ABCB1: variants seen among roughly 807,000 people sequenced by gnomAD.
The protein encoded by ABCB1 is ATP-dependent translocase ABCB1.
A neutral mutation model predicts 142.0 loss-of-function variants in ABCB1; 69 were observed. The ratio of observed to expected loss-of-function variants is 0.49; its 90% CI spans 0.40 to 0.59. The LOEUF is 0.59. Ranked by LOEUF, ABCB1 falls within the 20% of genes least tolerant of loss-of-function variation. ABCB1 has a pLI of 0.00. For synonymous variants in ABCB1, 532 were observed against 539.2 expected, an observed-to-expected ratio of 0.99 and a Z score of 0.18; for missense variants, 1,326 against 1,554.7, an observed-to-expected ratio of 0.85 and a Z score of 2.47.
intron 1 of ABCB1, among the ~76,000 whole-genome samples, chr7:87,672,459 G>A (rs977972454): frequency 3.3e-5 from 5 of 152,140 alleles, no homozygotes. Flanking sequence ...CAAGCCAGTG[G>A]GTCTTATCTT....
intron 1 of ABCB1, among the ~76,000 whole-genome samples, chr7:87,636,419 C>G (rs1821780865): frequency 6.6e-6 from 1 of 152,220 alleles, no homozygotes; most frequent in African/African-American, 2.4e-5. Context: ...GGAATCTCTG[C>G]TTTTTGTTTA....
chr7:87,659,276 C>A (rs1401706824), intron 1 of ABCB1: 3 of 402,098 alleles, frequency 7.5e-6, no homozygotes, highest in Non-Finnish European at 1.5e-5. Flanking sequence ...TGTTTGTTCC[C>A]CCTGTTCTTG....
At chr7:87,512,285 CTTAA>C (rs898521278) in intron 25 of ABCB1, among the ~76,000 whole-genome samples, 7 of 151,960 alleles carry the variant, frequency 4.6e-5, no homozygotes, top group Non-Finnish European at 7.4e-5. Context: ...AATTTCATAG[CTTAA>C]TTATTCAAGA....
intron 21 of ABCB1, chr7:87,521,997 A>G: frequency 1.2e-6 from 1 of 863,064 alleles, no homozygotes; most frequent in Admixed American, 1.7e-5. Context: ...GAAGTTAGGA[A>G]AGCCCTGTCA....
At chr7:87,615,786 A>G (rs1468727506) in intron 1 of ABCB1, among the ~76,000 whole-genome samples, 1 of 152,244 alleles carries the variant, frequency 6.6e-6, no homozygotes, top group Non-Finnish European at 1.5e-5. Flanking sequence ...AAGAAGGGTA[A>G]GAAGCCATAT....
chr7:87,675,377 C>A (rs535201594), intron 1 of ABCB1, among the ~76,000 whole-genome samples: 1 of 152,124 alleles, frequency 6.6e-6, no homozygotes, highest in East Asian at 1.9e-4. Flanking sequence ...TATCAAACCT[C>A]CAGTCTTGAG....
intron 4 of ABCB1, among the ~76,000 whole-genome samples, chr7:87,574,850 C>T (rs2129864002): frequency 6.6e-6 from 1 of 152,298 alleles, no homozygotes; most frequent in South Asian, 2.1e-4. Context: ...ATCTCTTCCT[C>T]CCACTCCCAC....
intron 1 of ABCB1, chr7:87,710,776 T>C (rs928769537): frequency 1.7e-5 from 9 of 538,438 alleles, no homozygotes; most frequent in Non-Finnish European, 2.6e-5. Flanking sequence ...CCTCCTTTTG[T>C]TACTACTCAG....
chr7:87,543,272 C>T (rs28381927), intron 17 of ABCB1, among the ~76,000 whole-genome samples: 6 of 151,892 alleles, frequency 4.0e-5, no homozygotes, highest in South Asian at 4.1e-4. Flanking sequence ...CTAGCCTGGG[C>T]GAGAGTGAGC....
At chr7:87,641,338 C>CTA (rs1822433229) in intron 1 of ABCB1, among the ~76,000 whole-genome samples, 2 of 152,276 alleles carry the variant, frequency 1.3e-5, no homozygotes, top group Non-Finnish European at 1.5e-5. Flanking sequence ...CTTTGCTTTA[C>CTA]TAGTGTTCAT....
intron 1 of ABCB1, among the ~76,000 whole-genome samples, chr7:87,700,177 A>G (rs1828896204): frequency 6.6e-6 from 1 of 152,060 alleles, no homozygotes; most frequent in South Asian, 2.1e-4. Context: ...ATTTAGTTTG[A>G]TTTTATTGTT....
upstream of ABCB1, among the ~76,000 whole-genome samples, chr7:87,605,248 C>T (rs1185465277): frequency 2.0e-5 from 3 of 152,154 alleles, no homozygotes; most frequent in Non-Finnish European, 2.9e-5. Flanking sequence ...ATTCTCATGC[C>T]TCAGCCTCCT....
intron 9 of ABCB1, among the ~76,000 whole-genome samples, chr7:87,551,230 C>A (rs1185183355): frequency 6.6e-6 from 1 of 151,948 alleles, no homozygotes; most frequent in African/African-American, 2.4e-5. Flanking sequence ...GCTACGTGTC[C>A]CAGCCTGGTC....
At chr7:87,549,311 T>G (rs200677200) in intron 14 of ABCB1, 37 bp downstream of exon 14, 2 of 1,613,884 alleles carry the variant, frequency 1.2e-6, no homozygotes, top group Non-Finnish European at 1.7e-6. Flanking sequence ...GTTCTTATGC[T>G]TATAAATCAG....
At chr7:87,616,481 T>G (rs771281641) in intron 1 of ABCB1, among the ~76,000 whole-genome samples, 9 of 152,210 alleles carry the variant, frequency 5.9e-5, no homozygotes, top group Non-Finnish European at 1.2e-4. Flanking sequence ...ATCATGGAGC[T>G]CTTGCCAAGC....
At chr7:87,519,121 G>A (rs976840534) in intron 23 of ABCB1, among the ~76,000 whole-genome samples, 1 of 152,224 alleles carries the variant, frequency 6.6e-6, no homozygotes, top group Admixed American at 6.5e-5. Context: ...GTGTGAGCCA[G>A]CAATGAGGAA....
intron 21 of ABCB1, among the ~76,000 whole-genome samples, chr7:87,524,485 CA>C (rs1169466553): frequency 6.6e-6 from 1 of 151,308 alleles, no homozygotes. Context: ...ATCGCAAGGA[CA>C]AAAAACCAAA....
At chr7:87,539,236 A>G in intron 19 of ABCB1, 32 bp downstream of exon 19, 2 of 1,606,024 alleles carry the variant, frequency 1.2e-6, no homozygotes, top group Non-Finnish European at 1.7e-6. Context: ...GGAGTTCTAC[A>G]CATCCCAGGG....
intron 9 of ABCB1, among the ~76,000 whole-genome samples, chr7:87,551,502 A>C (rs1243457765): frequency 6.6e-6 from 1 of 152,112 alleles, no homozygotes; most frequent in East Asian, 1.9e-4. Context: ...TTTTTTTAAA[A>C]AAATTTTAAG....
Sources: gnomAD v4.1 joint callset for allele counts (sites outside exome capture counted in the v4.1 genomes callset) on GRCh38, gnomAD v4.1.1 for gene constraint, MANE v1.5 for transcripts, NCBI Gene and HGNC (gene_info 2026-07-23, HGNC 2026-07-21) for gene names.